Variants in ZNF562 observed in about 807,000 individuals in gnomAD.
The protein encoded by ZNF562 is zinc finger protein 562.
A neutral mutation model predicts 17.5 loss-of-function variants in ZNF562; 13 were observed. The observed-to-expected ratio is 0.74, with a 90% CI of 0.48 to 1.18. ZNF562 has a LOEUF of 1.18. Among genes scored for constraint, ZNF562 ranks in the 50% most tolerant of loss-of-function variants. The pLI, the probability that ZNF562 is intolerant of heterozygous loss-of-function variation, is 0.00. For missense variants in ZNF562, 481 were observed against 498.5 expected, an observed-to-expected ratio of 0.96 and a Z score of 0.33; for synonymous variants, 163 against 165.4, an observed-to-expected ratio of 0.99 and a Z score of 0.11.
chr19:9,672,582 A>T (rs2044235360), intron 1 of ZNF562, among the ~76,000 whole-genome samples: 1 of 152,140 alleles, frequency 6.6e-6, no homozygotes, highest in Non-Finnish European at 1.5e-5. Flanking sequence ...TTAATAAATT[A>T]TACAGATACT....
At chr19:9,670,591 C>T (rs1032150545) in intron 1 of ZNF562, among the ~76,000 whole-genome samples, 5 of 152,042 alleles carry the variant, frequency 3.3e-5, no homozygotes, top group Non-Finnish European at 4.4e-5. Flanking sequence ...AGACAAATAC[C>T]CCATATTCTC....
rs188629236 is a variant in ZNF562 at position 9,669,695 on chromosome 19, C to T, written c.-131+5320G>A. Among the ~76,000 whole-genome samples, 38 of 147,210 alleles carry T rather than the reference C, an allele frequency of 2.6e-4. No homozygotes were observed. The South Asian group carries it at 4.5e-3, about 17-fold the overall frequency. ...CAAAACCTGTCTGAAACTGGCAAGA[C>T]CTGTCTGCATGCACGCGCGCGAGCG... On this transcript the variant is annotated intron_variant, in intron 1 of 5. Transcript: ENST00000453372.
chr19:9,660,656 C>A, intron 2 of ZNF562, 64 bp downstream of exon 2: 1 of 1,543,450 alleles, frequency 6.5e-7, no homozygotes, highest in Non-Finnish European at 8.8e-7. Context: ...GCTCACTGGA[C>A]TCTTATGTTG....
chr19:9,656,659 G>C lies in ZNF562; in HGVS notation c.242-6C>G. 1 of 1,611,286 alleles carries C rather than the reference G, an allele frequency of 6.2e-7. No homozygotes were observed. The highest frequency in any genetic ancestry group is 8.5e-7 in the Non-Finnish European group (1 of 1,177,910). On this transcript the variant is annotated splice_region_variant and splice_polypyrimidine_tract_variant and intron_variant, in intron 4 of 5. Coordinates refer to ENST00000453372, the MANE Select transcript of ZNF562 (RefSeq NM_001130031.2). Reference sequence around the variant, plus strand: ...AGTTAAGCAGAAAAAGAAATCTAAGGGTTTAGAGAAGAAATGTGTTAGTTT... The same window carrying C: ...AGTTAAGCAGAAAAAGAAATCTAAGCGTTTAGAGAAGAAATGTGTTAGTTT...
chr19:9,659,276 T>C, intron 3 of ZNF562, 103 bp downstream of exon 3: 1 of 1,070,690 alleles, frequency 9.3e-7, no homozygotes, highest in Non-Finnish European at 1.4e-6. Flanking sequence ...TAAGGCTTCA[T>C]TTGCTCTAAG....
In ZNF562 at chr19:9,648,680, T is replaced by G. The variant is rs916807235; in HGVS notation, c.*4269A>C. 1.3e-5 allele frequency: 2 copies of G among 151,962 alleles called. No homozygotes were observed. Among genetic ancestry groups the G allele is most frequent in the Non-Finnish European group, 1.5e-5 (1 of 68,006 alleles). 9.4% of individuals were successfully genotyped at this position (151,962 alleles called of 1,614,324 possible). On this transcript the variant is annotated 3_prime_UTR_variant, in exon 6 of 6. Transcript: ENST00000453372. ...TTTTTTTTTGTTTTGTTTTTGTTTT[T>G]TTTTTTGAGATGGGGTCTTGCTATG...
In ZNF562 at chr19:9,656,546, C is replaced by T; in HGVS notation, c.348+1G>A. On this transcript the variant is annotated splice_donor_variant, in intron 5 of 5. Transcript: ENST00000453372. LOFTEE classifies it high-confidence loss of function. ...AAATAAGTATCCCTCATGAATCTTA[C>T]CATTTGTATCCCAGTGAATATTTGA... is the stretch of plus-strand genomic sequence containing the variant. 6.2e-7 allele frequency: 1 copy of T among 1,613,112 alleles called. No individual in the cohort carries two copies. The highest frequency in any genetic ancestry group is 2.2e-5 in the East Asian group (1 of 44,844).
At chr19:9,654,009 G>C in intron 5 of ZNF562, 128 bp from the exon 6 acceptor site, 4 of 699,710 alleles carry the variant, frequency 5.7e-6, no homozygotes, top group Non-Finnish European at 7.8e-6. Context: ...TTTTTTTTTT[G>C]AGACAGAGTC....
chr19:9,671,655 G>A (rs2044201389), intron 1 of ZNF562, among the ~76,000 whole-genome samples: 1 of 152,204 alleles, frequency 6.6e-6, no homozygotes, highest in African/African-American at 2.4e-5. Context: ...AGCTTCCTAA[G>A]CACTTGGTCC....
chr19:9,669,732 GCGCACACACA>G (rs1000224318), intron 1 of ZNF562, among the ~76,000 whole-genome samples: 18 of 76,800 alleles, frequency 2.3e-4, no homozygotes, highest in East Asian at 8.3e-4. Flanking sequence ...GCGCGCGCGC[GCGCACACACA>G]CACACACACA....
rs773157572 is a variant in ZNF562, at chr19:9,653,718, A to G, written c.512T>C (p.Ile171Thr). 37 of 1,614,000 alleles carry G rather than the reference A, an allele frequency of 2.3e-5. No homozygotes were observed. The highest frequency in any genetic ancestry group is 2.7e-5 in the Non-Finnish European group (32 of 1,179,972). Residue 171 changes from isoleucine to threonine, a missense_variant, in exon 6 of 6, where the codon ATT (isoleucine) becomes ACT (threonine). Transcript: ENST00000453372. ...ATTAAATTTGGAAAGTTCTTGTCCA[A>G]TAGAGGCTTCCTTGTGCACACTGAT... ...DSISVHKEAS[I>T]GQELSKFNPC...
rs1599263629 is a variant in ZNF562, at chr19:9,652,718, G to T, written c.*231C>A. Reference sequence around the variant, plus strand: ...AAAAGGCATTTAGGACTAATCTGATGATCTTTGCACTGCCAATAATTAAAG... The same window carrying T: ...AAAAGGCATTTAGGACTAATCTGATTATCTTTGCACTGCCAATAATTAAAG... On this transcript the variant is annotated 3_prime_UTR_variant, in exon 6 of 6. Coordinates refer to ENST00000453372, the MANE Select transcript of ZNF562 (RefSeq NM_001130031.2). The T allele has an allele frequency of 5.3e-6, 2 of 374,824 alleles. No homozygotes were observed. Among genetic ancestry groups the T allele is most frequent in the African/African-American group, 2.1e-5 (1 of 47,972 alleles). The allele number at this position is 374,824 out of a possible 1,614,324, so 23.2% of individuals were successfully genotyped here.
chr19:9,660,871 G>A lies in ZNF562; in HGVS notation c.-127C>T. ...TTCCCCTTTGTACAGGGTTATCTGA[G>A]GCCCTGTTCATACCAATCACCAAAC... On this transcript the variant is annotated 5_prime_UTR_variant, in exon 2 of 6. Coordinates refer to ENST00000453372, the MANE Select transcript of ZNF562 (RefSeq NM_001130031.2). The A allele has an allele frequency of 1.2e-6, 1 of 848,898 alleles. No homozygotes were observed. Among genetic ancestry groups the A allele is most frequent in the Non-Finnish European group, 1.8e-6 (1 of 548,928 alleles). 52.6% of individuals were successfully genotyped at this position (848,898 alleles called of 1,614,324 possible). A position where few individuals can be genotyped will look rare whatever the true frequency, so the allele number is the denominator to read the frequency against.
chr19:9,656,753 G>A (rs941589028), intron 4 of ZNF562, 100 bp from the exon 5 acceptor site: 259 of 1,182,828 alleles, frequency 2.2e-4, no homozygotes, highest in African/African-American at 3.1e-4. Flanking sequence ...GGCCAGGCAC[G>A]GTGACTCAGG....
At chr19:9,656,778 A>C in intron 4 of ZNF562, 125 bp from the exon 5 acceptor site, 1 of 876,756 alleles carries the variant, frequency 1.1e-6, no homozygotes, top group Non-Finnish European at 1.7e-6. Context: ...TAATCCCAGG[A>C]CTTTGGGAGG....
chr19:9,662,888 G>A (rs1007508574), intron 1 of ZNF562, among the ~76,000 whole-genome samples: 4 of 151,600 alleles, frequency 2.6e-5, no homozygotes, highest in Admixed American at 6.6e-5. Context: ...ACTCATGGAT[G>A]CTGTAGTCCA....
At chr19:9,669,749 C>CAA (rs2044104122) in intron 1 of ZNF562, among the ~76,000 whole-genome samples, 1 of 148,342 alleles carries the variant, frequency 6.7e-6, no homozygotes, top group African/African-American at 2.5e-5. Context: ...CACACACACA[C>CAA]ACACACACAC....
At chr19:9,668,221 A>T (rs2044023967) in intron 1 of ZNF562, among the ~76,000 whole-genome samples, 1 of 151,920 alleles carries the variant, frequency 6.6e-6, no homozygotes, top group Non-Finnish European at 1.5e-5. Flanking sequence ...ATTAAAAAAA[A>T]GAAATTAGCC....
At chr19:9,673,987 G>A (rs2044304782) in intron 1 of ZNF562, among the ~76,000 whole-genome samples, 1 of 152,188 alleles carries the variant, frequency 6.6e-6, no homozygotes, top group Non-Finnish European at 1.5e-5. Context: ...TTCTCAGCAA[G>A]GCAATTTACT....
Sources: allele counts gnomAD v4.1 joint callset (sites outside exome capture counted in the v4.1 genomes callset), GRCh38; gene constraint gnomAD v4.1.1; transcripts MANE v1.5; gene names NCBI Gene and HGNC (gene_info 2026-07-23, HGNC 2026-07-21).